ATP8A2: variants seen among roughly 807,000 people sequenced by gnomAD.
ATP8A2 encodes ATPase phospholipid transporting 8A2, also known as phospholipid-transporting ATPase IB.
A neutral mutation model predicts 165.6 loss-of-function variants in ATP8A2; 100 were observed. The observed-to-expected ratio is 0.60, with a 90% confidence interval of 0.51 to 0.71. The LOEUF (loss-of-function observed/expected upper bound fraction) is 0.71. Ranked by LOEUF, ATP8A2 falls within the 30% of genes least tolerant of loss-of-function variation. The pLI, the probability that ATP8A2 is intolerant of heterozygous loss-of-function variation, is 0.00. For missense variants in ATP8A2, 1,227 were observed against 1,479.5 expected, an observed-to-expected ratio of 0.83 and a Z score of 2.80; for synonymous variants, 543 against 548.8, an observed-to-expected ratio of 0.99 and a Z score of 0.15.
chr13:25,564,352 C>A (rs1375494110), intron 16 of ATP8A2, among the ~76,000 whole-genome samples: 1 of 152,150 alleles, frequency 6.6e-6, no homozygotes, highest in East Asian at 1.9e-4. Context: ...AGTTGTGAAT[C>A]TAAGAGGCCA....
At chr13:25,951,313 G>T (rs1648595478) in intron 33 of ATP8A2, among the ~76,000 whole-genome samples, 1 of 152,152 alleles carries the variant, frequency 6.6e-6, no homozygotes, top group African/African-American at 2.4e-5. Flanking sequence ...AAACTAAAAA[G>T]AATGAATTAC....
chr13:25,786,002 A>T (rs2045015522), intron 27 of ATP8A2, among the ~76,000 whole-genome samples: 1 of 152,154 alleles, frequency 6.6e-6, no homozygotes, highest in Non-Finnish European at 1.5e-5. Flanking sequence ...TAGGTGTGAG[A>T]TGTAGATTTT....
At chr13:25,838,103 CAG>C (rs1951666397) in intron 29 of ATP8A2, among the ~76,000 whole-genome samples, 1 of 152,180 alleles carries the variant, frequency 6.6e-6, no homozygotes, top group Non-Finnish European at 1.5e-5. Context: ...GAAGTTTAGA[CAG>C]AGGTCTGTTG....
At chr13:25,612,279 A>G (rs1240216586) in intron 24 of ATP8A2, among the ~76,000 whole-genome samples, 1 of 152,108 alleles carries the variant, frequency 6.6e-6, no homozygotes, top group Admixed American at 6.6e-5. Flanking sequence ...TAATGCTATG[A>G]ACTTTCCTCT....
intron 24 of ATP8A2, among the ~76,000 whole-genome samples, chr13:25,632,240 T>TG (rs1037458151): frequency 1.0e-4 from 15 of 143,674 alleles, no homozygotes; most frequent in Non-Finnish European, 1.9e-4. Flanking sequence ...CCCTGATTTT[T>TG]GGGGCTTTTA....
chr13:25,968,500 A>G, intron 34 of ATP8A2, 75 bp from the exon 35 acceptor site: 1 of 1,319,564 alleles, frequency 7.6e-7, no homozygotes, highest in Non-Finnish European at 1.1e-6. Flanking sequence ...GTGGCCTGAG[A>G]GGGGAGCGGC....
chr13:25,800,225 A>C (rs539630265), intron 27 of ATP8A2, among the ~76,000 whole-genome samples: 1 of 152,342 alleles, frequency 6.6e-6, no homozygotes, highest in East Asian at 1.9e-4. Flanking sequence ...TTAGAACACT[A>C]ACTGCATATG....
intron 24 of ATP8A2, among the ~76,000 whole-genome samples, chr13:25,676,983 G>A (rs1286345795): frequency 6.6e-6 from 1 of 152,094 alleles, no homozygotes; most frequent in Non-Finnish European, 1.5e-5. Context: ...TTTGTTATTG[G>A]GAAGAGGAAT....
chr13:25,878,460 G>C (rs1264908298), intron 33 of ATP8A2, among the ~76,000 whole-genome samples: 1 of 93,664 alleles, frequency 1.1e-5, no homozygotes, highest in African/African-American at 5.2e-5. Flanking sequence ...AGGAATAAAA[G>C]AATGACTATT....
chr13:25,663,503 A>G (rs925473135), intron 24 of ATP8A2, among the ~76,000 whole-genome samples: 1 of 152,170 alleles, frequency 6.6e-6, no homozygotes, highest in Non-Finnish European at 1.5e-5. Flanking sequence ...CGGCCTCATC[A>G]TCCATCATCT....
intron 27 of ATP8A2, among the ~76,000 whole-genome samples, chr13:25,798,505 T>A (rs4770880): frequency 6.6e-6 from 1 of 151,868 alleles, no homozygotes; most frequent in African/African-American, 2.4e-5. Flanking sequence ...TATCTTCTTA[T>A]AGATGGCTTT....
At chr13:25,868,002 G>A (rs1952562887) in intron 33 of ATP8A2, 1 of 383,580 alleles carries the variant, frequency 2.6e-6, no homozygotes, top group Admixed American at 3.3e-5. Flanking sequence ...TATGAAGCCA[G>A]CCTCGAAGCC....
intron 24 of ATP8A2, among the ~76,000 whole-genome samples, chr13:25,595,981 C>G (rs982715417): frequency 6.6e-6 from 1 of 152,164 alleles, no homozygotes; most frequent in Non-Finnish European, 1.5e-5. Flanking sequence ...CCTGGTTAGT[C>G]TAGGACTACA....
chr13:25,857,734 T>A (rs974982875), intron 30 of ATP8A2, among the ~76,000 whole-genome samples: 4 of 151,738 alleles, frequency 2.6e-5, no homozygotes, highest in Non-Finnish European at 4.4e-5. Context: ...TCATGCCCAG[T>A]TAATTTTTGT....
intron 30 of ATP8A2, among the ~76,000 whole-genome samples, chr13:25,852,002 C>T (rs1952020531): frequency 2.0e-5 from 3 of 152,134 alleles, no homozygotes. Context: ...ACCACCATGC[C>T]TGGCTTCTTC....
At chr13:25,531,542 T>C (rs927961239) in intron 4 of ATP8A2, among the ~76,000 whole-genome samples, 2 of 150,766 alleles carry the variant, frequency 1.3e-5, no homozygotes, top group African/African-American at 4.9e-5. Flanking sequence ...CACACACACC[T>C]TGCTTTCACA....
At chr13:25,782,522 C>T (rs1344154669) in intron 27 of ATP8A2, among the ~76,000 whole-genome samples, 1 of 152,046 alleles carries the variant, frequency 6.6e-6, no homozygotes, top group African/African-American at 2.4e-5. Context: ...TACAGTCATC[C>T]CTTAGTATCC....
chr13:25,786,397 G>A (rs1475642445), intron 27 of ATP8A2, among the ~76,000 whole-genome samples: 1 of 152,148 alleles, frequency 6.6e-6, no homozygotes, highest in African/African-American at 2.4e-5. Flanking sequence ...CAGAGAGAAG[G>A]CAAAGTAGAT....
chr13:25,461,147 C>T (rs1175045012), intron 1 of ATP8A2, among the ~76,000 whole-genome samples: 1 of 152,140 alleles, frequency 6.6e-6, no homozygotes, highest in Admixed American at 6.5e-5. Flanking sequence ...AAATCCTGAC[C>T]CATCAGTGTC....
Sources: gnomAD v4.1 joint callset for allele counts (sites outside exome capture counted in the v4.1 genomes callset) on GRCh38, gnomAD v4.1.1 for gene constraint, MANE v1.5 for transcripts, NCBI Gene and HGNC (gene_info 2026-07-23, HGNC 2026-07-21) for gene names.